Variants in NCKAP5 observed in about 807,000 individuals in gnomAD.
The protein encoded by NCKAP5 is nck-associated protein 5.
A neutral mutation model predicts 167.0 loss-of-function variants in NCKAP5; 92 were observed. The observed-to-expected ratio is 0.55, with a 90% CI of 0.47 to 0.66. NCKAP5 has a LOEUF of 0.66. Among genes scored for constraint, NCKAP5 ranks in the 30% least tolerant of loss-of-function variants. NCKAP5 has a pLI of 0.00. For missense variants in NCKAP5, 2,378 were observed against 2,315.0 expected (o/e 1.03, Z -0.56); for synonymous variants, 891 against 877.4 (o/e 1.02, Z -0.27).
intron 6 of NCKAP5, among the ~76,000 whole-genome samples, chr2:133,018,372 C>T (rs1445205459): frequency 6.6e-6 from 1 of 152,152 alleles, no homozygotes; most frequent in African/African-American, 2.4e-5. Flanking sequence ...GAGTTACCCT[C>T]CCCAAGAGAC....
chr2:133,121,218 C>T (rs977768790), intron 6 of NCKAP5, among the ~76,000 whole-genome samples: 6 of 151,938 alleles, frequency 3.9e-5, no homozygotes, highest in East Asian at 1.9e-4. Context: ...AGGTCTTTAA[C>T]GCATAAAATA....
intron 5 of NCKAP5, among the ~76,000 whole-genome samples, chr2:133,212,872 A>G (rs2086268551): frequency 1.3e-5 from 2 of 152,160 alleles, no homozygotes; most frequent in Non-Finnish European, 1.5e-5. Flanking sequence ...ATATTTTACA[A>G]ATGTCTTACC....
At chr2:133,662,838 A>G in the NCKAP5 span, among the ~76,000 whole-genome samples, 12 of 151,676 alleles carry the variant, frequency 7.9e-5, no homozygotes, top group Non-Finnish European at 1.8e-4. Context: ...TTTGCAATAA[A>G]GGGAGTCACA....
At chr2:132,914,060 G>C (rs1694669136) in intron 8 of NCKAP5, among the ~76,000 whole-genome samples, 1 of 152,036 alleles carries the variant, frequency 6.6e-6, no homozygotes, top group Non-Finnish European at 1.5e-5. Context: ...AAGCATAAGA[G>C]CCTTAATTGC....
intron 6 of NCKAP5, among the ~76,000 whole-genome samples, chr2:133,069,104 T>C (rs2080298215): frequency 6.6e-6 from 1 of 152,184 alleles, no homozygotes. Context: ...GAGAAACCAA[T>C]ATTACACTGT....
intron 3 of NCKAP5, among the ~76,000 whole-genome samples, chr2:133,420,978 T>G (rs568291026): frequency 1.3e-4 from 20 of 152,308 alleles, no homozygotes; most frequent in African/African-American, 4.8e-4. Flanking sequence ...ATGTGACTAT[T>G]TAATGATGAG....
At chr2:132,954,698 G>A (rs764059594) in intron 8 of NCKAP5, 6 of 451,814 alleles carry the variant, frequency 1.3e-5, no homozygotes, top group Admixed American at 2.4e-5. Context: ...ATTTGATTAG[G>A]TACAATAATA....
intron 11 of NCKAP5, among the ~76,000 whole-genome samples, chr2:132,856,888 G>A (rs1311331061): frequency 6.6e-6 from 1 of 152,148 alleles, no homozygotes; most frequent in Non-Finnish European, 1.5e-5. Context: ...CGAAAGGGGG[G>A]ACTTAATTTC....
chr2:133,106,467 TG>T (rs1482404004), intron 6 of NCKAP5, among the ~76,000 whole-genome samples: 1 of 152,132 alleles, frequency 6.6e-6, no homozygotes, highest in East Asian at 1.9e-4. Context: ...GGCAATTATT[TG>T]GGGTGTATTT....
intron 6 of NCKAP5, among the ~76,000 whole-genome samples, chr2:133,125,969 A>C (rs976723612): frequency 1.3e-5 from 2 of 152,200 alleles, no homozygotes; most frequent in African/African-American, 4.8e-5. Context: ...AAAACTACTC[A>C]TTCAAGCATT....
intron 5 of NCKAP5, among the ~76,000 whole-genome samples, chr2:133,179,055 C>T (rs535800719): frequency 2.6e-5 from 4 of 152,120 alleles, no homozygotes; most frequent in African/African-American, 9.6e-5. Context: ...GTAGACCTAG[C>T]TACTCAGGAG....
At chr2:133,109,410 C>T (rs929895147) in intron 6 of NCKAP5, among the ~76,000 whole-genome samples, 2 of 152,060 alleles carry the variant, frequency 1.3e-5, no homozygotes, top group Admixed American at 6.6e-5. Context: ...ATCAGTAATG[C>T]TTTCTTCAAG....
intron 19 of NCKAP5, among the ~76,000 whole-genome samples, chr2:132,698,206 A>G (rs1239076404): frequency 6.6e-6 from 1 of 152,210 alleles, no homozygotes; most frequent in Non-Finnish European, 1.5e-5. Flanking sequence ...GTGTTCACAC[A>G]TTTTAGGACC....
chr2:132,713,082 C>T (rs902748230), intron 19 of NCKAP5, among the ~76,000 whole-genome samples: 1 of 150,124 alleles, frequency 6.7e-6, no homozygotes, highest in Non-Finnish European at 1.5e-5. Context: ...ATAGTGTACA[C>T]AGTGTGCTCC....
chr2:132,894,572 T>C (rs989913426), intron 8 of NCKAP5, among the ~76,000 whole-genome samples: 5 of 152,210 alleles, frequency 3.3e-5, no homozygotes, highest in African/African-American at 1.2e-4. Flanking sequence ...ATGAAATTAT[T>C]TTGTTCAGGG....
the NCKAP5 span, among the ~76,000 whole-genome samples, chr2:133,592,330 G>A: frequency 6.6e-6 from 1 of 152,314 alleles, no homozygotes; most frequent in South Asian, 2.1e-4. Context: ...AGTTGTTTAT[G>A]TGTTTAGGCA....
rs140768340 is a variant in NCKAP5 at position 132,761,351 on chromosome 2, C to T, written c.5128+12465G>A. 5.0e-3 allele frequency among the ~76,000 whole-genome samples: 762 copies of T among 152,274 alleles called. 5 individuals are homozygous for T. Among genetic ancestry groups the T allele is most frequent in the South Asian group, 8.9e-3 (43 of 4,830 alleles). ...AGAGTTTCCCAGGATATGAGACTTC[C>T]GGTGTTGAAACCAAGAAAGTCCCAG... is the stretch of plus-strand genomic sequence containing the variant. On this transcript the variant is annotated intron_variant, in intron 16 of 19. Coordinates refer to ENST00000409261, the MANE Select transcript of NCKAP5 (RefSeq NM_207363.3).
At chr2:133,398,025 G>T (rs1025993241) in intron 3 of NCKAP5, among the ~76,000 whole-genome samples, 1 of 152,062 alleles carries the variant, frequency 6.6e-6, no homozygotes, top group Non-Finnish European at 1.5e-5. Context: ...AGTCAAGCAG[G>T]CTCTGGGGTG....
intron 4 of NCKAP5, among the ~76,000 whole-genome samples, chr2:133,239,179 T>C (rs72846321): frequency 6.6e-6 from 1 of 152,342 alleles, no homozygotes; most frequent in Non-Finnish European, 1.5e-5. Context: ...TGTTCACTTA[T>C]TATGTTTACT....
Sources: allele counts gnomAD v4.1 joint callset (sites outside exome capture counted in the v4.1 genomes callset), GRCh38; gene constraint gnomAD v4.1.1; transcripts MANE v1.5; gene names NCBI Gene and HGNC (gene_info 2026-07-23, HGNC 2026-07-21).